The following SCML4 variants were observed in gnomAD, a reference collection of about 807,000 sequenced individuals.
SCML4 encodes Scm polycomb group protein like 4.
Under a neutral mutation model 41.1 loss-of-function variants are expected in SCML4, and 34 were observed. The observed-to-expected ratio is 0.83, with a 90% CI of 0.63 to 1.10. The LOEUF (loss-of-function observed/expected upper bound fraction) is 1.10, where lower values mean the gene tolerates loss of function less well. SCML4 is among the 50% of genes least tolerant of loss of function. The pLI, the probability that SCML4 is intolerant of heterozygous loss-of-function variation, is 0.00. For synonymous variants in SCML4, 214 were observed against 220.9 expected, an observed-to-expected ratio of 0.97 and a Z score of 0.28; for missense variants, 522 against 534.1, an observed-to-expected ratio of 0.98 and a Z score of 0.22.
At chr6:107,784,659 A>G (rs1021769764) in intron 1 of SCML4, among the ~76,000 whole-genome samples, 1 of 152,276 alleles carries the variant, frequency 6.6e-6, no homozygotes, top group Non-Finnish European at 1.5e-5. Context: ...TTTTTAAAAA[A>G]TAAAAACAAT....
At chr6:107,760,838 A>C (rs1278452943) in intron 2 of SCML4, among the ~76,000 whole-genome samples, 1 of 152,178 alleles carries the variant, frequency 6.6e-6, no homozygotes, top group African/African-American at 2.4e-5. Context: ...ACTATGTATA[A>C]AGATATAAAG....
chr6:107,799,894 A>G (rs528782901), intron 1 of SCML4, among the ~76,000 whole-genome samples: 7 of 150,458 alleles, frequency 4.7e-5, no homozygotes, highest in African/African-American at 1.7e-4. Flanking sequence ...ATTATTTAAC[A>G]TATTTAAAAT....
At chr6:107,819,587 C>A (rs1192495263) in intron 1 of SCML4, among the ~76,000 whole-genome samples, 6 of 151,438 alleles carry the variant, frequency 4.0e-5, no homozygotes, top group Non-Finnish European at 8.8e-5. Context: ...GCTAAGACAG[C>A]CTGGCTGCAG....
At chr6:107,774,083 G>A (rs1170164571) in intron 1 of SCML4, among the ~76,000 whole-genome samples, 1 of 152,138 alleles carries the variant, frequency 6.6e-6, no homozygotes, top group Non-Finnish European at 1.5e-5. Flanking sequence ...GTAGTAAATA[G>A]AATTTTAAAG....
chr6:107,725,186 A>C (rs530516451), intron 5 of SCML4, among the ~76,000 whole-genome samples: 3 of 152,370 alleles, frequency 2.0e-5, no homozygotes, highest in Admixed American at 6.5e-5. Context: ...TAGCTAGAAA[A>C]GAATAATTCA....
At chr6:107,754,856 C>A (rs1279535680) in intron 2 of SCML4, among the ~76,000 whole-genome samples, 1 of 152,166 alleles carries the variant, frequency 6.6e-6, no homozygotes, top group Non-Finnish European at 1.5e-5. Context: ...CACCTGTAAT[C>A]CCAGCACTTT....
At chr6:107,839,391 AAG>A in the SCML4 span, among the ~76,000 whole-genome samples, 1 of 141,598 alleles carries the variant, frequency 7.1e-6, no homozygotes, top group African/African-American at 2.7e-5. Flanking sequence ...GAAAGAAAGA[AAG>A]AAAGAAAGAA....
At chr6:107,817,991 T>G (rs548856496) in intron 1 of SCML4, among the ~76,000 whole-genome samples, 3 of 152,182 alleles carry the variant, frequency 2.0e-5, no homozygotes, top group Non-Finnish European at 4.4e-5. Flanking sequence ...TTATGTTAAG[T>G]CTCTAGTACT....
upstream of SCML4, among the ~76,000 whole-genome samples, chr6:107,825,350 A>G (rs1259703926): frequency 6.6e-6 from 1 of 152,264 alleles, no homozygotes; most frequent in Non-Finnish European, 1.5e-5. Context: ...CAACCTGGCC[A>G]GTTACTGAGA....
At chr6:107,822,816 G>A (rs1388380213) in intron 1 of SCML4, among the ~76,000 whole-genome samples, 2 of 152,024 alleles carry the variant, frequency 1.3e-5, no homozygotes, top group African/African-American at 4.8e-5. Context: ...GAGTTTAGAC[G>A]ATCACGCAGT....
At chr6:107,804,519 A>G (rs907571162) in intron 1 of SCML4, among the ~76,000 whole-genome samples, 11 of 152,180 alleles carry the variant, frequency 7.2e-5, no homozygotes, top group Non-Finnish European at 1.5e-4. Flanking sequence ...CATTCCAAGT[A>G]TATCTAATTT....
At chr6:107,727,495 C>A (rs930510576) in intron 5 of SCML4, among the ~76,000 whole-genome samples, 5 of 152,170 alleles carry the variant, frequency 3.3e-5, no homozygotes, top group African/African-American at 4.8e-5. Flanking sequence ...TCAAGAATTA[C>A]GTGCAGTCAA....
At chr6:107,751,636 TTC>T (rs1491117130) in intron 2 of SCML4, among the ~76,000 whole-genome samples, 3 of 146,948 alleles carry the variant, frequency 2.0e-5, no homozygotes, top group African/African-American at 5.2e-5. Context: ...CTTTCTTTCT[TTC>T]TTTCTTTCTT....
At chr6:107,821,720 C>T (rs559413140) in intron 1 of SCML4, among the ~76,000 whole-genome samples, 20 of 152,122 alleles carry the variant, frequency 1.3e-4, no homozygotes, top group Non-Finnish European at 2.2e-4. Flanking sequence ...ATGGGCACAT[C>T]CCGGCTCCCT....
Position 107,720,769 on chromosome 6 carries a change from G to C in SCML4, c.907C>G (p.Pro303Ala), listed in dbSNP as rs1326371877. Residue 303 changes from proline to alanine, a missense_variant, in exon 6 of 8, where the codon CCT (proline) becomes GCT (alanine). By Grantham distance (27) the Pro-to-Ala change is conservative. Coordinates refer to ENST00000369020, the MANE Select transcript of SCML4 (RefSeq NM_198081.5). ...CTGGAGGCTGGAGGCCTCAGCCCAG[G>C]TGCCGAGGGGCCACCAGAAGACATG... ...SPMSSGGPSA[P>A]GLRPPASSPK... 9.9e-6 allele frequency: 16 copies of C among 1,612,100 alleles called. No individual in the cohort carries two copies. Among genetic ancestry groups the C allele is most frequent in the Non-Finnish European group, 1.4e-5 (16 of 1,178,894 alleles).
intron 2 of SCML4, among the ~76,000 whole-genome samples, chr6:107,759,332 A>AATACATACATACATACATACATAC (rs60465321): frequency 8.9e-4 from 12 of 13,488 alleles, no homozygotes; most frequent in African/African-American, 9.6e-4. Flanking sequence ...CCTGTCTCAA[A>AATACATACATACATACATACATAC]ATACATACAT....
At chr6:107,726,556 GA>G (rs1776003492) in intron 5 of SCML4, among the ~76,000 whole-genome samples, 5 of 76,958 alleles carry the variant, frequency 6.5e-5, no homozygotes, top group African/African-American at 2.4e-4. Flanking sequence ...AAAAAAAAAA[GA>G]ATTATTCTAG....
At chr6:107,833,928 G>A in the SCML4 span, among the ~76,000 whole-genome samples, 1 of 152,222 alleles carries the variant, frequency 6.6e-6, no homozygotes, top group Middle Eastern at 3.4e-3. Context: ...AATGAGTTAG[G>A]CTGAATATGA....
chr6:107,821,632 G>C (rs898637534), intron 1 of SCML4, among the ~76,000 whole-genome samples: 5 of 152,174 alleles, frequency 3.3e-5, no homozygotes, highest in African/African-American at 1.2e-4. Context: ...TGACACTGGA[G>C]ATGCTTGGTA....
Sources: gnomAD v4.1 joint callset for allele counts (sites outside exome capture counted in the v4.1 genomes callset) on GRCh38, gnomAD v4.1.1 for gene constraint, MANE v1.5 for transcripts, NCBI Gene and HGNC (gene_info 2026-07-23, HGNC 2026-07-21) for gene names.